DCAF8: variants seen among roughly 807,000 people sequenced by gnomAD.
The protein encoded by DCAF8 is DDB1 and CUL4 associated factor 8.
In DCAF8, 20 loss-of-function variants were observed where a neutral mutation model predicts 68.0. That is an observed-to-expected ratio of 0.29 (90% CI 0.21 to 0.43). The LOEUF is 0.43. DCAF8 is among the 20% of genes least tolerant of loss of function. DCAF8 has a pLI of 1.00. For synonymous variants in DCAF8, 230 were observed against 276.9 expected, an observed-to-expected ratio of 0.83 and a Z score of 1.68; for missense variants, 460 against 771.0, an observed-to-expected ratio of 0.60 and a Z score of 4.78.
chr1:160,251,950 A>AT lies in DCAF8; in HGVS notation c.-26-7917dup, dbSNP rs544226234. 1.1e-4 allele frequency among the ~76,000 whole-genome samples: 17 copies of AT among 152,346 alleles called. No individual in the cohort carries two copies. In the South Asian group the frequency reaches 3.5e-3, roughly 32 times the overall value. On this transcript the variant is annotated intron_variant, in intron 2 of 13. Transcript: ENST00000368074. ...CTGTCTCCTCTGGTAGGCTGGACAG[A>AT]TGAGCAGAAAGAAACTGAATGTTTC...
intron 6 of DCAF8, among the ~76,000 whole-genome samples, chr1:160,235,894 A>G (rs907716273): frequency 7.2e-5 from 11 of 152,300 alleles, no homozygotes; most frequent in African/African-American, 2.6e-4. Flanking sequence ...ACATGCCAAC[A>G]TGTCCAGCTA....
chr1:160,254,519 T>C (rs952185045), intron 2 of DCAF8, among the ~76,000 whole-genome samples: 2 of 151,182 alleles, frequency 1.3e-5, no homozygotes, highest in African/African-American at 4.9e-5. Flanking sequence ...TTTGGCCAGG[T>C]ACCATGGCTC....
At chr1:160,258,770 T>C (rs896127309) in intron 2 of DCAF8, among the ~76,000 whole-genome samples, 9 of 152,014 alleles carry the variant, frequency 5.9e-5, no homozygotes, top group Non-Finnish European at 7.4e-5. Context: ...AAAAAAACTT[T>C]AGAAAGATAA....
chr1:160,245,160 T>A (rs1656268833), intron 2 of DCAF8, among the ~76,000 whole-genome samples: 1 of 152,234 alleles, frequency 6.6e-6, no homozygotes, highest in Admixed American at 6.5e-5. Flanking sequence ...ACCAGACTCA[T>A]CTTTCCTTAA....
intron 3 of DCAF8, among the ~76,000 whole-genome samples, chr1:160,243,239 C>T (rs963041230): frequency 4.0e-5 from 6 of 151,658 alleles, no homozygotes; most frequent in African/African-American, 1.5e-4. Flanking sequence ...TGCCCTAAAG[C>T]CAGTGATTTG....
intron 4 of DCAF8, chr1:160,239,209 C>A: frequency 9.2e-7 from 1 of 1,088,558 alleles, no homozygotes. Context: ...TCCAGAATAA[C>A]AACAGTATAA....
intron 2 of DCAF8, among the ~76,000 whole-genome samples, chr1:160,256,801 C>T (rs1656853326): frequency 6.6e-6 from 1 of 152,204 alleles, no homozygotes; most frequent in African/African-American, 2.4e-5. Context: ...AAGGCAGCCT[C>T]CGTTCATTAA....
intron 2 of DCAF8, among the ~76,000 whole-genome samples, chr1:160,248,427 T>C (rs1656445856): frequency 6.6e-6 from 1 of 151,908 alleles, no homozygotes; most frequent in Admixed American, 6.6e-5. Context: ...AACCAGAATA[T>C]CCTTTAAAAC....
At chr1:160,255,621 T>C (rs1019981815) in intron 2 of DCAF8, among the ~76,000 whole-genome samples, 2 of 152,134 alleles carry the variant, frequency 1.3e-5, no homozygotes, top group African/African-American at 4.8e-5. Context: ...TTATTGTTTT[T>C]TTATTTTTAT....
intron 2 of DCAF8, among the ~76,000 whole-genome samples, chr1:160,251,700 T>G (rs1656605316): frequency 6.6e-6 from 1 of 152,146 alleles, no homozygotes; most frequent in South Asian, 2.1e-4. Flanking sequence ...ACTCCTGGAC[T>G]CAAGTGATCC....
intron 2 of DCAF8, among the ~76,000 whole-genome samples, chr1:160,247,799 G>GA (rs1413954478): frequency 1.3e-5 from 2 of 151,872 alleles, no homozygotes; most frequent in Non-Finnish European, 2.9e-5. Context: ...ACTGCCAAAA[G>GA]AAAAAAACTA....
chr1:160,250,503 T>C (rs1422815916), intron 2 of DCAF8, among the ~76,000 whole-genome samples: 4 of 126,372 alleles, frequency 3.2e-5, no homozygotes, highest in African/African-American at 6.0e-5. Context: ...GAGAGAAGAG[T>C]GATGGGGGAA....
intron 7 of DCAF8, among the ~76,000 whole-genome samples, chr1:160,228,164 C>T (rs1173319203): frequency 6.6e-6 from 1 of 151,138 alleles, no homozygotes; most frequent in East Asian, 1.9e-4. Context: ...TGACCTCAAG[C>T]TATCCTCCAG....
chr1:160,239,164 CCAGTA>C, intron 4 of DCAF8: 1 of 1,064,280 alleles, frequency 9.4e-7, no homozygotes, highest in South Asian at 3.5e-5. Context: ...ATGGCTGGTA[CCAGTA>C]CAGTAGATGG....
rs772157467 is a variant in DCAF8, at chr1:160,218,835, A to G, written c.1560+14T>C. On this transcript the variant is annotated intron_variant, in intron 12 of 13. Transcript: ENST00000368074. ...TAAGCAGAAAGAAAATAACTTCTGC[A>G]GTCAGCCACTTACATCTTTTAACCC... 5 of 1,614,020 alleles carry G rather than the reference A, an allele frequency of 3.1e-6. No individual in the cohort carries two copies. The South Asian group carries it at 5.5e-5, about 18-fold the overall frequency.
rs111958303 is a variant in DCAF8 at position 160,218,105 on chromosome 1, A to G, written c.1677+219T>C. On this transcript the variant is annotated intron_variant, in intron 13 of 13. Transcript: ENST00000368074. Reference sequence around the variant, plus strand: ...CCCTCCAGCTTTTGCCTTTATGAAGATAGCATTACACATGGACGGCAATGG... The same window carrying G: ...CCCTCCAGCTTTTGCCTTTATGAAGGTAGCATTACACATGGACGGCAATGG... The G allele has an allele frequency of 3.0e-3, 1,763 of 591,464 alleles. 30 individuals are homozygous for G. The highest frequency in any genetic ancestry group is 0.029 in the African/African-American group (1,586 of 54,486). 36.6% of individuals were successfully genotyped at this position (591,464 alleles called of 1,614,324 possible).
chr1:160,239,020 T>A (rs1655993496), intron 4 of DCAF8: 1 of 466,892 alleles, frequency 2.1e-6, no homozygotes, highest in Admixed American at 4.8e-5. Flanking sequence ...GAACTAGGAC[T>A]GTATCTAGCA....
intron 11 of DCAF8, among the ~76,000 whole-genome samples, chr1:160,222,051 A>G (rs1399892978): frequency 6.6e-6 from 1 of 152,202 alleles, no homozygotes; most frequent in African/African-American, 2.4e-5. Context: ...GTACACATGT[A>G]TATGTGTTTG....
chr1:160,225,399 G>A (rs74125515), intron 8 of DCAF8, among the ~76,000 whole-genome samples, 192 bp downstream of exon 8: 676 of 152,242 alleles, frequency 4.4e-3, no homozygotes, highest in African/African-American at 0.015. Flanking sequence ...CTATTTTGTC[G>A]ATTAAAAAAC....
Sources: gnomAD v4.1 joint callset for allele counts (sites outside exome capture counted in the v4.1 genomes callset) on GRCh38, gnomAD v4.1.1 for gene constraint, MANE v1.5 for transcripts, NCBI Gene and HGNC (gene_info 2026-07-23, HGNC 2026-07-21) for gene names.